The following WWP2 variants were observed in gnomAD, a reference collection of about 807,000 sequenced individuals.
The protein encoded by WWP2 is WW domain containing E3 ubiquitin protein ligase 2.
Under a neutral mutation model 121.0 loss-of-function variants are expected in WWP2, and 57 were observed. The ratio of observed to expected loss-of-function variants is 0.47; its 90% CI spans 0.38 to 0.59. The LOEUF (loss-of-function observed/expected upper bound fraction) is 0.59, where lower values mean the gene tolerates loss of function less well. Ranked by LOEUF, WWP2 falls within the 20% of genes least tolerant of loss-of-function variation. The pLI, the probability that WWP2 is intolerant of heterozygous loss-of-function variation, is 0.00. For missense variants in WWP2, 962 were observed against 1,158.9 expected, an observed-to-expected ratio of 0.83 and a Z score of 2.47; for synonymous variants, 449 against 441.3, an observed-to-expected ratio of 1.02 and a Z score of -0.22.
At chr16:69,773,668 A>C (rs901502090) in intron 1 of WWP2, among the ~76,000 whole-genome samples, 1 of 148,398 alleles carries the variant, frequency 6.7e-6, no homozygotes, top group African/African-American at 2.5e-5. Context: ...TTTTTGTAGA[A>C]ATGGGGTTTC....
At chr16:69,802,043 C>T (rs1368037521) in intron 4 of WWP2, among the ~76,000 whole-genome samples, 1 of 151,974 alleles carries the variant, frequency 6.6e-6, no homozygotes, top group Non-Finnish European at 1.5e-5. Flanking sequence ...GATTCTCCTG[C>T]CTCAGCCTCC....
At chr16:69,833,135 A>T (rs1397055407) in intron 4 of WWP2, among the ~76,000 whole-genome samples, 1 of 152,262 alleles carries the variant, frequency 6.6e-6, no homozygotes, top group Non-Finnish European at 1.5e-5. Context: ...CTGGGATTAC[A>T]GGCGTGAGCC....
chr16:69,840,059 A>AT (rs2056947206), intron 4 of WWP2, 67 bp from the exon 5 acceptor site: 1 of 1,591,262 alleles, frequency 6.3e-7, no homozygotes, highest in African/African-American at 1.3e-5. Context: ...AAAGCTTCTA[A>AT]TTTAGAGAAT....
At chr16:69,862,804 C>T (rs553947755) in intron 6 of WWP2, among the ~76,000 whole-genome samples, 4 of 145,866 alleles carry the variant, frequency 2.7e-5, no homozygotes, top group East Asian at 2.0e-4. Flanking sequence ...CAGCTCACTG[C>T]GGCCTCGACC....
At chr16:69,789,640 A>G (rs1460508946) in intron 2 of WWP2, among the ~76,000 whole-genome samples, 1 of 152,098 alleles carries the variant, frequency 6.6e-6, no homozygotes, top group African/African-American at 2.4e-5. Flanking sequence ...GCATTTTTGT[A>G]ATTTTGAGAG....
intron 6 of WWP2, among the ~76,000 whole-genome samples, chr16:69,870,620 G>A (rs905088310): frequency 6.6e-6 from 1 of 152,160 alleles, no homozygotes; most frequent in African/African-American, 2.4e-5. Context: ...GTTGAGAGTA[G>A]TTTTATCGCC....
chr16:69,833,871 C>T (rs761641434), intron 4 of WWP2, among the ~76,000 whole-genome samples: 6 of 152,240 alleles, frequency 3.9e-5, no homozygotes, highest in Non-Finnish European at 7.4e-5. Flanking sequence ...AGTGGCCCTG[C>T]GGGGCCTGGC....
intron 9 of WWP2, chr16:69,909,526 A>G (rs1400830215): frequency 1.0e-6 from 1 of 985,306 alleles, no homozygotes; most frequent in African/African-American, 1.7e-5. Flanking sequence ...TGGTCCCATA[A>G]TTCTCCATGG....
chr16:69,848,906 G>C (rs895854647), intron 6 of WWP2, among the ~76,000 whole-genome samples: 1 of 152,138 alleles, frequency 6.6e-6, no homozygotes, highest in African/African-American at 2.4e-5. Flanking sequence ...ACATGGAAAA[G>C]TTTCAGAGCC....
chr16:69,933,339 G>A (rs1299216117), intron 16 of WWP2, among the ~76,000 whole-genome samples: 6 of 152,170 alleles, frequency 3.9e-5, no homozygotes, highest in East Asian at 1.9e-4. Context: ...TGGTTCAGAT[G>A]AATGCGTGGA....
chr16:69,826,534 T>C (rs1410360315), intron 4 of WWP2, among the ~76,000 whole-genome samples: 1 of 138,632 alleles, frequency 7.2e-6, no homozygotes, highest in Non-Finnish European at 1.5e-5. Flanking sequence ...ATAGTGCCAT[T>C]GCACTCCAGG....
chr16:69,877,457 T>C (rs1267862438), intron 7 of WWP2, among the ~76,000 whole-genome samples: 1 of 152,224 alleles, frequency 6.6e-6, no homozygotes, highest in Non-Finnish European at 1.5e-5. Context: ...CTACTCCCTA[T>C]CGCTTTCTCC....
chr16:69,938,034 G>A (rs185306810), intron 21 of WWP2, among the ~76,000 whole-genome samples: 8 of 152,110 alleles, frequency 5.3e-5, no homozygotes, highest in East Asian at 3.9e-4. Context: ...TCTTTTATAC[G>A]TATGGGTTTT....
intron 6 of WWP2, among the ~76,000 whole-genome samples, chr16:69,869,403 G>T (rs7203612): frequency 0.68 from 90,337 of 133,416 alleles, 28,867 homozygotes; most frequent in East Asian, 0.91. Context: ...TTTTTTTTTT[G>T]TTAAACAAGG....
intron 8 of WWP2, 143 bp downstream of exon 8, chr16:69,888,392 T>A: frequency 1.2e-6 from 1 of 831,350 alleles, no homozygotes. Flanking sequence ...AAGGGAGGTG[T>A]GGAAGAACTG....
In WWP2 at chr16:69,808,300, C is replaced by T. The variant is rs138017643; in HGVS notation, c.340+9005C>T. 1.3e-4 allele frequency among the ~76,000 whole-genome samples: 20 copies of T among 151,418 alleles called. 2 individuals carry two copies. Among genetic ancestry groups the T allele is most frequent in the East Asian group, 3.9e-4 (2 of 5,152 alleles). On this transcript the variant is annotated intron_variant, in intron 4 of 23. Transcript: ENST00000359154. ...TTTTTTTTTAATAGAGATGGGATCT[C>T]GCTATATTGCCCAGGCTGGTCTCAA...
At chr16:69,908,119 C>T (rs2058322938) in intron 8 of WWP2, among the ~76,000 whole-genome samples, 1 of 152,044 alleles carries the variant, frequency 6.6e-6, no homozygotes. Flanking sequence ...GTAATGTGTG[C>T]CTGTAGTCCC....
intron 4 of WWP2, among the ~76,000 whole-genome samples, chr16:69,836,532 A>T (rs2056879696): frequency 6.6e-6 from 1 of 152,236 alleles, no homozygotes; most frequent in Admixed American, 6.5e-5. Flanking sequence ...CAAATAGAAC[A>T]GAGGAGGGTT....
chr16:69,814,512 T>C (rs1228048359), intron 4 of WWP2, among the ~76,000 whole-genome samples: 12 of 152,322 alleles, frequency 7.9e-5, no homozygotes, highest in Admixed American at 5.9e-4. Flanking sequence ...AGAATTCCTG[T>C]ACCCACACCA....
Sources: gnomAD v4.1 joint callset for allele counts (sites outside exome capture counted in the v4.1 genomes callset) on GRCh38, gnomAD v4.1.1 for gene constraint, MANE v1.5 for transcripts, NCBI Gene and HGNC (gene_info 2026-07-23, HGNC 2026-07-21) for gene names.